RARG: variants seen among roughly 807,000 people sequenced by gnomAD.
The protein encoded by RARG is RAR-gamma.
RARG carries 17 observed loss-of-function variants against 43.7 expected under a neutral mutation model. That is an observed-to-expected ratio of 0.39 (90% CI 0.27 to 0.58). The LOEUF (loss-of-function observed/expected upper bound fraction) is 0.58. Ranked by LOEUF, RARG falls within the 20% of genes least tolerant of loss-of-function variation. RARG has a pLI of 0.57. For missense variants in RARG, 346 were observed against 598.7 expected, an observed-to-expected ratio of 0.58 and a Z score of 4.40; for synonymous variants, 238 against 236.4, an observed-to-expected ratio of 1.01 and a Z score of -0.06.
In RARG at chr12:53,215,571, G is replaced by C; in HGVS notation, c.333+75C>G. The C allele has an allele frequency of 6.3e-7, 1 of 1,582,562 alleles. No individual in the cohort carries two copies. Among genetic ancestry groups the C allele is most frequent in the Non-Finnish European group, 8.6e-7 (1 of 1,159,716 alleles). Reference sequence around the variant, plus strand: ...TGCAAAGCAGTGCTGCTCAGACACAGCATCTGTGTGCCTGGTCTCTCATCT... The same window carrying C: ...TGCAAAGCAGTGCTGCTCAGACACACCATCTGTGTGCCTGGTCTCTCATCT... On this transcript the variant is annotated intron_variant, in intron 4 of 9. Coordinates refer to ENST00000425354, the MANE Select transcript of RARG (RefSeq NM_000966.6). This position sits in a 1 kb window ranked among gnomAD's most constrained non-coding sequence, Gnocchi z 6.4.
chr12:53,218,937 C>T (rs1361478864), intron 3 of RARG, among the ~76,000 whole-genome samples: 2 of 152,128 alleles, frequency 1.3e-5, no homozygotes, highest in African/African-American at 4.8e-5. Context: ...GGCCCCTCCC[C>T]ACACCCCACC....
intron 3 of RARG, among the ~76,000 whole-genome samples, chr12:53,225,229 A>G (rs898453056): frequency 1.3e-5 from 2 of 152,214 alleles, no homozygotes; most frequent in Non-Finnish European, 2.9e-5. Flanking sequence ...TTGTTCACCT[A>G]CATGCCACTC....
intron 3 of RARG, among the ~76,000 whole-genome samples, chr12:53,221,429 T>C (rs1307951403): frequency 6.6e-6 from 1 of 152,288 alleles, no homozygotes; most frequent in African/African-American, 2.4e-5. Flanking sequence ...CTCCAGTTTC[T>C]CACTGCCAAG....
chr12:53,224,634 T>C (rs1040714253), intron 3 of RARG, among the ~76,000 whole-genome samples: 2 of 152,042 alleles, frequency 1.3e-5, no homozygotes, highest in East Asian at 1.9e-4. Flanking sequence ...GTCTCCCCTA[T>C]GTCTTCCTCT....
Position 53,231,998 on chromosome 12 carries a change from C to A in RARG, c.-234G>T. 2.5e-6 allele frequency: 1 copy of A among 396,858 alleles called. No individual in the cohort carries two copies. Among genetic ancestry groups the A allele is most frequent in the East Asian group, 3.6e-5 (1 of 28,000 alleles). The allele number at this position is 396,858 out of a possible 1,614,324, so 24.6% of individuals were successfully genotyped here. ...CCTGGAGTGGGAGGGGGAAGGGAGG[C>A]GGCGGAGCCCCGAGGTCCCGGCGTC... On this transcript the variant is annotated 5_prime_UTR_variant, in exon 1 of 10. Coordinates refer to ENST00000425354, the MANE Select transcript of RARG (RefSeq NM_000966.6).
rs1261132532 is a variant in RARG, at chr12:53,215,835, C to T, written c.185-41G>A. On this transcript the variant is annotated intron_variant, in intron 3 of 9. Coordinates refer to ENST00000425354, the MANE Select transcript of RARG (RefSeq NM_000966.6). This position sits in a 1 kb window ranked among gnomAD's most constrained non-coding sequence, Gnocchi z 6.4. Reference sequence around the variant, plus strand: ...TGATGTGAGGGTCAGGGGAGAAGGACCCCACAGACCTCCAGGCTTCCTCAT... The same window carrying T: ...TGATGTGAGGGTCAGGGGAGAAGGATCCCACAGACCTCCAGGCTTCCTCAT... The T allele has an allele frequency of 1.9e-6, 3 of 1,543,346 alleles. No homozygotes were observed. The highest frequency in any genetic ancestry group is 4.5e-5 in the East Asian group (2 of 44,140).
chr12:53,217,032 C>T (rs1942791461), intron 3 of RARG, among the ~76,000 whole-genome samples: 1 of 152,060 alleles, frequency 6.6e-6, no homozygotes, highest in African/African-American at 2.4e-5. Context: ...CCCTCTGCAG[C>T]CCACCTGGTC....
chr12:53,217,616 G>GAGGTC (rs1478703274), intron 3 of RARG, among the ~76,000 whole-genome samples: 24 of 152,176 alleles, frequency 1.6e-4, no homozygotes, highest in Admixed American at 1.5e-3. Flanking sequence ...TAGTGGCTCC[G>GAGGTC]AGGTCAATCT....
chr12:53,224,359 G>C (rs748376268), intron 3 of RARG, among the ~76,000 whole-genome samples: 18 of 152,154 alleles, frequency 1.2e-4, no homozygotes, highest in Non-Finnish European at 2.2e-4. Context: ...AGGGAGAAGT[G>C]CCAGACCTCT....
chr12:53,227,580 A>G lies in RARG; in HGVS notation c.-35T>C. 6.7e-7 allele frequency: 1 copy of G among 1,482,028 alleles called. No homozygotes were observed. Among genetic ancestry groups the G allele is most frequent in the African/African-American group, 1.4e-5 (1 of 70,360 alleles). The allele number at this position is 1,482,028 out of a possible 1,614,324, so 91.8% of individuals were successfully genotyped here. A position where few individuals can be genotyped will look rare whatever the true frequency, so the allele number is the denominator to read the frequency against. ...GGTGTGAGAGTCCCCTGGGGTCTGC[A>G]GTGGGCGGGCGAGGTCTTCAGCCAC... On this transcript the variant is annotated 5_prime_UTR_variant, in exon 3 of 10. Coordinates refer to ENST00000425354, the MANE Select transcript of RARG (RefSeq NM_000966.6). This position sits in a 1 kb window ranked among gnomAD's most constrained non-coding sequence, Gnocchi z 4.3.
At chr12:53,231,949 G>A (rs1442540359) in intron 1 of RARG, 25 bp downstream of exon 1, 5 of 395,314 alleles carry the variant, frequency 1.3e-5, no homozygotes, top group African/African-American at 2.1e-5. Flanking sequence ...CGGGGCGGGC[G>A]AGCCTGCTTC....
At position 53,214,148 on chromosome 12, in the gene RARG, C is replaced by T. The variant is rs1288724003; in HGVS notation, c.724G>A (p.Val242Met). The T allele has an allele frequency of 6.2e-7, 1 of 1,613,898 alleles. No individual in the cohort carries two copies. The highest frequency in any genetic ancestry group is 1.7e-5 in the Admixed American group (1 of 60,004). ...ELATKCIIKI[V>M]EFAKRLPGFT... ...CCAGGCAACCGCTTGGCAAACTCCA[C>T]GATCTTGATGATGCACTTGGTAGCC... Residue 242 changes from valine (V) to methionine (M), a missense_variant, in exon 7 of 10, where the codon GTG becomes ATG. By Grantham distance (21) the Val-to-Met change is conservative. This residue lies in a region of RARG where 37 missense variants were observed against 146.3 expected (regional missense o/e 0.25). Transcript: ENST00000425354.
At position 53,213,193 on chromosome 12, in the gene RARG, G is replaced by A. The variant is rs1942655773; in HGVS notation, c.1069C>T (p.Leu357=). Reference sequence around the variant, plus strand: ...GCGTACAGCCTCAGGGCTTCCAGCAGTGGCTCCTGCAGCTTGTCCACTTTT... The same window carrying A: ...GCGTACAGCCTCAGGGCTTCCAGCAATGGCTCCTGCAGCTTGTCCACTTTT... ...PEKVDKLQEP[L]LEALRLYARR... Residue 357 remains leucine (L), a synonymous_variant, in exon 9 of 10, where the codon CTG becomes TTG. Transcript: ENST00000425354. This position sits in a 1 kb window ranked among gnomAD's most constrained non-coding sequence, Gnocchi z 4.7. The A allele has an allele frequency of 2.5e-6, 4 of 1,607,486 alleles. No individual in the cohort carries two copies. The highest frequency in any genetic ancestry group is 1.1e-5 in the South Asian group (1 of 90,944).
At chr12:53,229,839 T>G in intron 2 of RARG, 1 of 666,440 alleles carries the variant, frequency 1.5e-6, no homozygotes, top group Non-Finnish European at 1.9e-6. Flanking sequence ...GCTTCTCACC[T>G]ACCAATGGGA....
intron 3 of RARG, among the ~76,000 whole-genome samples, chr12:53,224,021 A>G (rs1943049532): frequency 6.6e-6 from 1 of 152,174 alleles, no homozygotes; most frequent in Non-Finnish European, 1.5e-5. Flanking sequence ...TGTTCCCTAT[A>G]GAAAGCAAAT....
chr12:53,231,986 G>T lies in RARG; in HGVS notation c.-222C>A. 1 of 396,722 alleles carries T rather than the reference G, an allele frequency of 2.5e-6. No individual in the cohort carries two copies. Among genetic ancestry groups the T allele is most frequent in the Admixed American group, 4.4e-5 (1 of 22,692 alleles). 24.6% of individuals were successfully genotyped at this position (396,722 alleles called of 1,614,324 possible). A position where few individuals can be genotyped will look rare whatever the true frequency, so the allele number is the denominator to read the frequency against. ...CCGCCTGACTCACCTGGAGTGGGAG[G>T]GGGAAGGGAGGCGGCGGAGCCCCGA... On this transcript the variant is annotated 5_prime_UTR_variant, in exon 1 of 10. Coordinates refer to ENST00000425354, the MANE Select transcript of RARG (RefSeq NM_000966.6).
intron 3 of RARG, among the ~76,000 whole-genome samples, chr12:53,221,503 T>C (rs1942962545): frequency 6.6e-6 from 1 of 152,178 alleles, no homozygotes; most frequent in Non-Finnish European, 1.5e-5. Flanking sequence ...AAATACCCTC[T>C]AGCCTAGGCA....
intron 3 of RARG, among the ~76,000 whole-genome samples, chr12:53,219,638 A>T (rs955799623): frequency 1.3e-5 from 2 of 152,194 alleles, no homozygotes; most frequent in Admixed American, 1.3e-4. Context: ...TGAGTGTCAT[A>T]TCCTTCCAGG....
At chr12:53,222,207 C>A (rs949839600) in intron 3 of RARG, among the ~76,000 whole-genome samples, 5 of 120,108 alleles carry the variant, frequency 4.2e-5, no homozygotes, top group Non-Finnish European at 6.6e-5. Context: ...GTCACCCGAA[C>A]CCCACAAAAA....
Sources: gnomAD v4.1 joint callset for allele counts (sites outside exome capture counted in the v4.1 genomes callset) on GRCh38, gnomAD v4.1.1 for gene constraint, gnomAD v4.1.1 regional missense constraint, Gnocchi (gnomAD v3.1) non-coding constraint, MANE v1.5 for transcripts, NCBI Gene and HGNC (gene_info 2026-07-23, HGNC 2026-07-21) for gene names.